The following CMKLR2 variants were observed in gnomAD, a reference collection of about 807,000 sequenced individuals.
CMKLR2 encodes chemerin chemokine-like receptor 2, also known as chemerin-like receptor 2.
Under a neutral mutation model 23.0 loss-of-function variants are expected in CMKLR2, and 18 were observed. That is an observed-to-expected ratio of 0.78 (90% CI 0.54 to 1.16). CMKLR2 has a LOEUF of 1.16. Ranked by LOEUF, CMKLR2 falls within the 50% of genes most tolerant of loss-of-function variation. CMKLR2 has a pLI of 0.00. For missense variants in CMKLR2, 401 were observed against 412.7 expected (o/e 0.97, Z 0.25); for synonymous variants, 158 against 158.9 (o/e 0.99, Z 0.05).
chr2:206,177,758 A>T (rs1370635870), intron 1 of CMKLR2, among the ~76,000 whole-genome samples: 1 of 152,040 alleles, frequency 6.6e-6, no homozygotes, highest in East Asian at 1.9e-4. Flanking sequence ...CCTCAGTTTC[A>T]CTCTGATTAT....
At chr2:206,200,472 C>G (rs1396333769) in intron 1 of CMKLR2, among the ~76,000 whole-genome samples, 1 of 152,198 alleles carries the variant, frequency 6.6e-6, no homozygotes, top group Non-Finnish European at 1.5e-5. Flanking sequence ...TGGATATAGG[C>G]ACATATCTGC....
chr2:206,190,684 T>C (rs752113733), intron 1 of CMKLR2, among the ~76,000 whole-genome samples: 1 of 152,232 alleles, frequency 6.6e-6, no homozygotes, highest in Admixed American at 6.5e-5. Flanking sequence ...CAAATGTTTT[T>C]ATCAGTTTTA....
At chr2:206,216,075 T>C (rs901440914), upstream of CMKLR2, among the ~76,000 whole-genome samples, 2 of 152,216 alleles carry the variant, frequency 1.3e-5, no homozygotes, top group African/African-American at 4.8e-5. Flanking sequence ...TTTGCCACTT[T>C]CTAAAAAACC....
At chr2:206,180,509 A>C (rs1469908128) in intron 1 of CMKLR2, among the ~76,000 whole-genome samples, 1 of 152,104 alleles carries the variant, frequency 6.6e-6, no homozygotes, top group East Asian at 1.9e-4. Context: ...ATCATAGCTC[A>C]CTGCAGCCTC....
At chr2:206,205,011 T>TA (rs1478663885) in intron 1 of CMKLR2, among the ~76,000 whole-genome samples, 1 of 152,252 alleles carries the variant, frequency 6.6e-6, no homozygotes, top group African/African-American at 2.4e-5. Flanking sequence ...TGACCTGCTG[T>TA]AATCCAACTG....
chr2:206,176,791 T>A lies in CMKLR2; in HGVS notation c.457A>T (p.Asn153Tyr), dbSNP rs372527355. ...VLSHRHRTLK[N>Y]SLIVIIFIWL... The stretch of plus-strand genomic sequence containing the variant: ...ATGAATATAATGACAATCAGAGAGT[T>A]CTTGAGGGTTCGATGCCGATGAGAT... Residue 153 changes from asparagine (N) to tyrosine (Y), a missense_variant, in exon 2 of 2, where the codon AAC (asparagine) becomes TAC (tyrosine). Physicochemically the swap from Asn to Tyr is moderately radical, Grantham distance 143. Coordinates refer to ENST00000621141, the MANE Select transcript of CMKLR2 (RefSeq NM_001389445.1). 9 of 1,613,926 alleles carry A rather than the reference T, an allele frequency of 5.6e-6. No individual in the cohort carries two copies. The highest frequency in any genetic ancestry group is 1.3e-5 in the African/African-American group (1 of 74,874).
intron 1 of CMKLR2, among the ~76,000 whole-genome samples, chr2:206,209,420 A>G (rs2105841478): frequency 6.6e-6 from 1 of 151,946 alleles, no homozygotes; most frequent in East Asian, 1.9e-4. Flanking sequence ...TGCAGGATGT[A>G]CAGGTTTGTT....
rs534156915 is a variant in CMKLR2, at chr2:206,180,986, G to A, written c.-28-3711C>T. Among the ~76,000 whole-genome samples, 159 of 151,318 alleles carry A rather than the reference G, an allele frequency of 1.1e-3. 1 individual carries two copies. The highest frequency in any genetic ancestry group is 3.6e-3 in the African/African-American group (147 of 41,244). ...GCCAGGCTGGTCTTGAACTCCTGAC[G>A]TCAGGTGATCCGCCCACCTTGGCCT... On this transcript the variant is annotated intron_variant, in intron 1 of 1. Transcript: ENST00000621141.
At chr2:206,179,064 T>C (rs1688322691) in intron 1 of CMKLR2, among the ~76,000 whole-genome samples, 1 of 93,098 alleles carries the variant, frequency 1.1e-5, no homozygotes, top group Non-Finnish European at 2.2e-5. Flanking sequence ...CCTTTTTTTT[T>C]TTTTTTTTTT....
At chr2:206,217,633 A>G (rs1689797008), upstream of CMKLR2, 3 of 152,224 alleles carry the variant, frequency 2.0e-5, no homozygotes, top group Admixed American at 1.3e-4. Context: ...TGTGGGGAAC[A>G]GCTTCTGTTT....
At position 206,176,970 on chromosome 2, in the gene CMKLR2, T is replaced by C; in HGVS notation, c.278A>G (p.Tyr93Cys). The C allele has an allele frequency of 6.2e-7, 1 of 1,614,190 alleles. No homozygotes were observed. The highest frequency in any genetic ancestry group is 8.5e-7 in the Non-Finnish European group (1 of 1,180,042). Residue 93 changes from tyrosine (Y) to cysteine (C), a missense_variant, in exon 2 of 2, where the codon TAC (tyrosine) becomes TGC (cysteine). Physicochemically the swap from Tyr to Cys is radical, Grantham distance 194. Transcript: ENST00000621141. ...DFIFLLFLPL[Y>C]ISYVAMNFHW... ...GAAATTCATGGCCACATAGGAGATG[T>C]ACAGGGGCAGAAAGAGAAGAAAAAT...
rs139561764 is a variant in CMKLR2, at chr2:206,211,674, T to A, written c.-29+1633A>T. Among the ~76,000 whole-genome samples, 3 of 151,850 alleles carry A rather than the reference T, an allele frequency of 2.0e-5. No homozygotes were observed. The East Asian group carries it at 5.8e-4, about 29-fold the overall frequency. On this transcript the variant is annotated intron_variant, in intron 1 of 1. Transcript: ENST00000621141. ...TTATGTTTCCAAAAATCACTTGTTT[T>A]CCCGTAAGTGCCCTTCTCTTCCATT...
At chr2:206,195,753 G>A (rs1475811201) in intron 1 of CMKLR2, among the ~76,000 whole-genome samples, 4 of 151,956 alleles carry the variant, frequency 2.6e-5, no homozygotes, top group African/African-American at 7.3e-5. Flanking sequence ...TTGGGAGTTC[G>A]AGACCAGCCT....
intron 1 of CMKLR2, among the ~76,000 whole-genome samples, chr2:206,185,456 G>A (rs531197937): frequency 6.6e-6 from 1 of 152,334 alleles, no homozygotes; most frequent in African/African-American, 2.4e-5. Flanking sequence ...AAGGATGCCA[G>A]TATGTCTAGG....
intron 1 of CMKLR2, among the ~76,000 whole-genome samples, chr2:206,177,527 C>G (rs1688272522): frequency 6.6e-6 from 1 of 152,044 alleles, no homozygotes. Flanking sequence ...ACTAGGACCA[C>G]AGGTGCTCAT....
intron 1 of CMKLR2, among the ~76,000 whole-genome samples, chr2:206,211,894 C>A (rs1574333325): frequency 7.0e-6 from 1 of 142,130 alleles, no homozygotes; most frequent in South Asian, 2.2e-4. Context: ...TGCAGTGGCA[C>A]AATCATAGCT....
chr2:206,182,357 T>C (rs1688442267), intron 1 of CMKLR2, among the ~76,000 whole-genome samples: 2 of 152,234 alleles, frequency 1.3e-5, no homozygotes, highest in African/African-American at 4.8e-5. Context: ...TCTGTCATAC[T>C]TGTCTTATCA....
intron 1 of CMKLR2, among the ~76,000 whole-genome samples, chr2:206,199,442 G>A (rs1435036720): frequency 1.3e-5 from 2 of 152,044 alleles, no homozygotes; most frequent in African/African-American, 4.8e-5. Flanking sequence ...GCATGAGTGC[G>A]AGCACATGCG....
chr2:206,177,849 T>G (rs1489001347), intron 1 of CMKLR2, among the ~76,000 whole-genome samples: 1 of 152,208 alleles, frequency 6.6e-6, no homozygotes, highest in Non-Finnish European at 1.5e-5. Flanking sequence ...CGGTTATAAT[T>G]CTTCAGTTCG....
Sources: allele counts gnomAD v4.1 joint callset (sites outside exome capture counted in the v4.1 genomes callset), GRCh38; gene constraint gnomAD v4.1.1; transcripts MANE v1.5; gene names NCBI Gene and HGNC (gene_info 2026-07-23, HGNC 2026-07-21).